The following ARHGAP26 variants were observed in gnomAD, a reference collection of about 807,000 sequenced individuals.
The protein encoded by ARHGAP26 is Rho GTPase activating protein 26.
Under a neutral mutation model 104.8 loss-of-function variants are expected in ARHGAP26, and 38 were observed. The ratio of observed to expected loss-of-function variants is 0.36; its 90% CI spans 0.28 to 0.48. The LOEUF (loss-of-function observed/expected upper bound fraction) is 0.48, where lower values mean the gene tolerates loss of function less well. Among genes scored for constraint, ARHGAP26 ranks in the 20% least tolerant of loss-of-function variants. ARHGAP26 has a pLI of 0.99. For missense variants in ARHGAP26, 704 were observed against 947.9 expected, an observed-to-expected ratio of 0.74 and a Z score of 3.38; for synonymous variants, 341 against 340.0, an observed-to-expected ratio of 1.00 and a Z score of -0.03.
At chr5:142,899,232 C>T (rs954939823) in intron 6 of ARHGAP26, among the ~76,000 whole-genome samples, 3 of 152,156 alleles carry the variant, frequency 2.0e-5, no homozygotes, top group Admixed American at 2.0e-4. Context: ...GTGAAATCAC[C>T]TTCAGAGGTA....
chr5:143,016,678 G>A (rs1023509074), intron 12 of ARHGAP26, among the ~76,000 whole-genome samples: 27 of 147,360 alleles, frequency 1.8e-4, no homozygotes, highest in Admixed American at 1.6e-3. Flanking sequence ...ACTCCATCCT[G>A]GGCAATAGAC....
At chr5:143,101,671 C>G (rs1004951886) in intron 17 of ARHGAP26, among the ~76,000 whole-genome samples, 1 of 151,118 alleles carries the variant, frequency 6.6e-6, no homozygotes, top group African/African-American at 2.4e-5. Flanking sequence ...GAAACAGACA[C>G]ACACACTGTT....
At chr5:142,867,324 TGTG>T (rs1754488441) in intron 1 of ARHGAP26, among the ~76,000 whole-genome samples, 1 of 150,214 alleles carries the variant, frequency 6.7e-6, no homozygotes, top group East Asian at 2.1e-4. Flanking sequence ...TGTGTGTGTG[TGTG>T]TTTTGTTTGT....
intron 4 of ARHGAP26, among the ~76,000 whole-genome samples, chr5:142,879,651 C>T (rs922498707): frequency 6.6e-6 from 1 of 152,334 alleles, no homozygotes; most frequent in Non-Finnish European, 1.5e-5. Context: ...CCGTCAACCC[C>T]GGAGGGGCCA....
intron 11 of ARHGAP26, among the ~76,000 whole-genome samples, chr5:143,009,410 A>G (rs575028141): frequency 6.6e-6 from 1 of 151,890 alleles, no homozygotes; most frequent in African/African-American, 2.4e-5. Context: ...TCCTGTCTGG[A>G]CTCTGCCCAT....
At chr5:142,845,167 G>T (rs1004534418) in intron 1 of ARHGAP26, among the ~76,000 whole-genome samples, 2 of 152,168 alleles carry the variant, frequency 1.3e-5, no homozygotes, top group Middle Eastern at 3.2e-3. Context: ...CCTCAGTTGG[G>T]TTATTTCAGG....
intron 20 of ARHGAP26, among the ~76,000 whole-genome samples, chr5:143,190,312 G>A (rs1424639198): frequency 6.6e-6 from 1 of 152,068 alleles, no homozygotes; most frequent in Non-Finnish European, 1.5e-5. Flanking sequence ...GCTTCTTAAA[G>A]TAAAAATGCT....
chr5:142,808,243 A>G (rs1459080891), intron 1 of ARHGAP26, among the ~76,000 whole-genome samples: 9 of 75,936 alleles, frequency 1.2e-4, no homozygotes, highest in East Asian at 1.5e-3. Flanking sequence ...TCGGAAAAAA[A>G]AAAAAAAAAA....
At chr5:142,838,249 C>G (rs1308688393) in intron 1 of ARHGAP26, among the ~76,000 whole-genome samples, 4 of 150,972 alleles carry the variant, frequency 2.6e-5, no homozygotes, top group African/African-American at 7.3e-5. Flanking sequence ...GAGAGTGAGA[C>G]TCCATCTAAA....
At chr5:142,949,667 A>T (rs1768010591) in intron 11 of ARHGAP26, among the ~76,000 whole-genome samples, 1 of 152,138 alleles carries the variant, frequency 6.6e-6, no homozygotes, top group Admixed American at 6.5e-5. Flanking sequence ...CAAGCAGAGG[A>T]AATAGACACA....
At chr5:143,167,648 G>A (rs1802193563) in intron 20 of ARHGAP26, among the ~76,000 whole-genome samples, 1 of 151,996 alleles carries the variant, frequency 6.6e-6, no homozygotes, top group African/African-American at 2.4e-5. Flanking sequence ...AATAGTATGG[G>A]GGCAAGCGCA....
intron 1 of ARHGAP26, among the ~76,000 whole-genome samples, chr5:142,845,627 T>G (rs1289828697): frequency 1.3e-5 from 2 of 152,200 alleles, no homozygotes; most frequent in Non-Finnish European, 2.9e-5. Flanking sequence ...GGAAGAGGCT[T>G]CTGTGTGTAC....
chr5:142,812,411 A>G (rs769172585), intron 1 of ARHGAP26, among the ~76,000 whole-genome samples: 4 of 151,388 alleles, frequency 2.6e-5, no homozygotes, highest in Admixed American at 6.6e-5. Flanking sequence ...ATCTTGGCTC[A>G]GTGCAACCTC....
chr5:143,021,665 A>G (rs1780356816), intron 12 of ARHGAP26, among the ~76,000 whole-genome samples: 1 of 152,234 alleles, frequency 6.6e-6, no homozygotes, highest in African/African-American at 2.4e-5. Flanking sequence ...GGGGATAATA[A>G]TACCCCTGCT....
At chr5:143,006,077 G>A (rs946903243) in intron 11 of ARHGAP26, among the ~76,000 whole-genome samples, 13 of 152,142 alleles carry the variant, frequency 8.5e-5, no homozygotes, top group African/African-American at 3.1e-4. Flanking sequence ...GAAAATAAAT[G>A]GCTATGTGAG....
At chr5:142,814,083 C>G (rs1317282091) in intron 1 of ARHGAP26, among the ~76,000 whole-genome samples, 1 of 152,226 alleles carries the variant, frequency 6.6e-6, no homozygotes, top group Non-Finnish European at 1.5e-5. Flanking sequence ...ACAGTGTTAT[C>G]CACAAGTAGG....
intron 14 of ARHGAP26, among the ~76,000 whole-genome samples, chr5:143,050,434 C>T (rs944296162): frequency 2.6e-5 from 4 of 151,986 alleles, no homozygotes; most frequent in Non-Finnish European, 4.4e-5. Flanking sequence ...CTGTAAAGCA[C>T]GGAATTATAG....
At position 143,157,296 on chromosome 5, in the gene ARHGAP26, C is replaced by A. The variant is rs1026386461; in HGVS notation, c.1988+9915C>A. ...GGTTCAAGCAATTCTCCCACCTCAG[C>A]CTCCCAAGTAGCTGGGACTACAGGT... On this transcript the variant is annotated intron_variant, in intron 20 of 22. Coordinates refer to ENST00000645722, the MANE Select transcript of ARHGAP26 (RefSeq NM_001135608.3). Among the ~76,000 whole-genome samples the A allele has an allele frequency of 2.0e-5, 3 of 152,022 alleles. No individual in the cohort carries two copies. The South Asian group carries it at 6.2e-4, about 32-fold the overall frequency.
chr5:143,031,365 C>T (rs1466389374), intron 12 of ARHGAP26, among the ~76,000 whole-genome samples: 2 of 152,142 alleles, frequency 1.3e-5, no homozygotes, highest in Admixed American at 1.3e-4. Context: ...AGAAGACCAG[C>T]CAGGAGGTTA....
Sources: gnomAD v4.1 joint callset for allele counts (sites outside exome capture counted in the v4.1 genomes callset) on GRCh38, gnomAD v4.1.1 for gene constraint, MANE v1.5 for transcripts, NCBI Gene and HGNC (gene_info 2026-07-23, HGNC 2026-07-21) for gene names.